The following KCTD9 variants were observed in gnomAD, a reference collection of about 807,000 sequenced individuals.
KCTD9 encodes BTB/POZ domain-containing protein KCTD9.
Under a neutral mutation model 53.3 loss-of-function variants are expected in KCTD9, and 17 were observed. That is an observed-to-expected ratio of 0.32 (90% CI 0.22 to 0.48). The LOEUF (loss-of-function observed/expected upper bound fraction) is 0.48. Among genes scored for constraint, KCTD9 ranks in the 20% least tolerant of loss-of-function variants. The pLI is 0.99. For synonymous variants in KCTD9, 128 were observed against 162.7 expected, an observed-to-expected ratio of 0.79 and a Z score of 1.62; for missense variants, 179 against 465.5, an observed-to-expected ratio of 0.38 and a Z score of 5.66.
At chr8:25,439,895 C>T (rs764017339) in intron 4 of KCTD9, 4 of 774,794 alleles carry the variant, frequency 5.2e-6, no homozygotes, top group Non-Finnish European at 7.5e-6. Context: ...GCTTTAAATA[C>T]TTGTCTGTCT....
chr8:25,455,955 C>CTG (rs1368338132), intron 1 of KCTD9, among the ~76,000 whole-genome samples: 1 of 152,212 alleles, frequency 6.6e-6, no homozygotes, highest in Non-Finnish European at 1.5e-5. Context: ...TGGACACTGT[C>CTG]TGTGGTGTGT....
intron 1 of KCTD9, among the ~76,000 whole-genome samples, chr8:25,452,879 A>G (rs1396380549): frequency 6.6e-6 from 1 of 152,234 alleles, no homozygotes; most frequent in African/African-American, 2.4e-5. Flanking sequence ...GAAAAAAGCA[A>G]GGACTGGCCT....
intron 1 of KCTD9, among the ~76,000 whole-genome samples, chr8:25,448,164 G>A (rs571424734): frequency 8.8e-4 from 133 of 151,636 alleles, no homozygotes; most frequent in Non-Finnish European, 1.5e-3. Flanking sequence ...GGAAAGGAAA[G>A]GAAAGAATAA....
At chr8:25,434,257 G>A (rs571337886) in intron 9 of KCTD9, among the ~76,000 whole-genome samples, 11 of 152,068 alleles carry the variant, frequency 7.2e-5, no homozygotes, top group South Asian at 2.1e-4. Context: ...GCACCACCAC[G>A]CCTGGCTAAT....
chr8:25,441,059 G>C (rs898043382), intron 3 of KCTD9, among the ~76,000 whole-genome samples: 3 of 152,122 alleles, frequency 2.0e-5, no homozygotes, highest in African/African-American at 7.2e-5. Context: ...AGATCTTATA[G>C]GGCTGAAAAT....
chr8:25,444,443 C>T, intron 2 of KCTD9, 108 bp from the exon 3 acceptor site: 1 of 1,034,040 alleles, frequency 9.7e-7, no homozygotes, highest in Non-Finnish European at 1.4e-6. Flanking sequence ...ATAGGTTTTG[C>T]TATCAATCTA....
chr8:25,439,193 G>A (rs1200947837), intron 6 of KCTD9, 86 bp downstream of exon 6: 3 of 1,048,442 alleles, frequency 2.9e-6, no homozygotes, highest in Non-Finnish European at 4.1e-6. Flanking sequence ...GAAATATACT[G>A]TTACTGAGTG....
At chr8:25,447,713 G>T (rs1802240965) in intron 1 of KCTD9, among the ~76,000 whole-genome samples, 1 of 152,120 alleles carries the variant, frequency 6.6e-6, no homozygotes, top group African/African-American at 2.4e-5. Context: ...TTGAAGGCAA[G>T]AAAAATTTAA....
chr8:25,439,492 G>C, intron 5 of KCTD9, 85 bp from the exon 6 acceptor site: 1 of 1,561,744 alleles, frequency 6.4e-7, no homozygotes, highest in Non-Finnish European at 8.7e-7. Flanking sequence ...CTAAATATAA[G>C]TTTTTACTCT....
intron 10 of KCTD9, 145 bp from the exon 11 acceptor site, chr8:25,432,782 A>C: frequency 6.0e-6 from 4 of 670,934 alleles, no homozygotes; most frequent in Non-Finnish European, 1.0e-5. Context: ...TTATATATAT[A>C]AACAGTTTAC....
chr8:25,441,042 T>A (rs1364122294), intron 3 of KCTD9, among the ~76,000 whole-genome samples: 1 of 152,210 alleles, frequency 6.6e-6, no homozygotes, highest in Non-Finnish European at 1.5e-5. Context: ...GCAAGTAGTT[T>A]GCAGTAAGAT....
rs758077181 is a variant in KCTD9, at chr8:25,446,201, C to T, written c.98G>A (p.Ser33Asn). 6.2e-7 allele frequency: 1 copy of T among 1,613,874 alleles called. No homozygotes were observed. Among genetic ancestry groups the T allele is most frequent in the African/African-American group, 1.3e-5 (1 of 74,922 alleles). The stretch of plus-strand genomic sequence containing the variant: ...ACTGGTGGCTTTTATGCCGAGTTTA[C>T]TGCTGGCCACAGAAAGCAAATCAGA... ...TLSDLLSVAS[S>N]KLGIKATSVY... Residue 33 changes from serine to asparagine, a missense_variant, in exon 2 of 12, where the codon AGT (serine) becomes AAT (asparagine). Physicochemically the swap from Ser to Asn is conservative, Grantham distance 46. Transcript: ENST00000221200.
chr8:25,431,921 T>C (rs115168028), intron 11 of KCTD9, among the ~76,000 whole-genome samples: 486 of 152,286 alleles, frequency 3.2e-3, no homozygotes, highest in African/African-American at 0.011. Context: ...AATTTCTCAT[T>C]TGCACTAGCC....
At chr8:25,436,120 G>T in intron 8 of KCTD9, 115 bp downstream of exon 8, 1 of 734,198 alleles carries the variant, frequency 1.4e-6, no homozygotes. Flanking sequence ...AATTAAATTA[G>T]ATCTTGCATG....
chr8:25,436,629 C>G (rs565138748), intron 6 of KCTD9, 144 bp from the exon 7 acceptor site: 6 of 523,362 alleles, frequency 1.1e-5, no homozygotes, highest in African/African-American at 6.0e-5. Context: ...AGGTTTGCCA[C>G]AAGTATCTTT....
At chr8:25,450,839 C>G (rs562120846) in intron 1 of KCTD9, among the ~76,000 whole-genome samples, 37 of 152,232 alleles carry the variant, frequency 2.4e-4, no homozygotes, top group African/African-American at 7.7e-4. Flanking sequence ...TACAATGAAC[C>G]TATATTACTT....
chr8:25,457,336 C>A, intron 1 of KCTD9: 3 of 984,328 alleles, frequency 3.0e-6, no homozygotes, highest in Non-Finnish European at 3.6e-6. Context: ...TTCTAGGTAT[C>A]ATTTAGCAAC....
At chr8:25,440,446 A>G in intron 4 of KCTD9, 131 bp downstream of exon 4, 1 of 640,160 alleles carries the variant, frequency 1.6e-6, no homozygotes, top group East Asian at 2.6e-5. Context: ...GTTATAAAAA[A>G]TGGTTTCAGA....
chr8:25,433,234 G>A (rs1801960883), intron 10 of KCTD9, 96 bp downstream of exon 10: 5 of 618,596 alleles, frequency 8.1e-6, no homozygotes, highest in Admixed American at 6.0e-5. Flanking sequence ...ATCCCCTACA[G>A]CTATCCTGTT....
Sources: gnomAD v4.1 joint callset for allele counts (sites outside exome capture counted in the v4.1 genomes callset) on GRCh38, gnomAD v4.1.1 for gene constraint, MANE v1.5 for transcripts, NCBI Gene and HGNC (gene_info 2026-07-23, HGNC 2026-07-21) for gene names.